Variants in ATP11C observed in about 807,000 individuals in gnomAD.
The protein encoded by ATP11C is phospholipid-transporting ATPase IG.
Under a neutral mutation model 97.4 loss-of-function variants are expected in ATP11C, and 36 were observed. That is an observed-to-expected ratio of 0.37 (90% CI 0.28 to 0.49). The LOEUF (loss-of-function observed/expected upper bound fraction) is 0.49, where lower values mean the gene tolerates loss of function less well. ATP11C is among the 20% of genes least tolerant of loss of function. The pLI is 0.98. For synonymous variants in ATP11C, 275 were observed against 290.9 expected, an observed-to-expected ratio of 0.95 and a Z score of 0.56; for missense variants, 730 against 824.6, an observed-to-expected ratio of 0.89 and a Z score of 1.40.
chrX:139,781,628 A>T (rs1404048317), intron 18 of ATP11C, among the ~76,000 whole-genome samples: 1 of 111,986 alleles, frequency 8.9e-6, no homozygotes, highest in Non-Finnish European at 1.9e-5. Context: ...GAGGTGTGAG[A>T]ATCACTTGAA....
At chrX:139,911,762 T>G (rs1213578711) in intron 1 of ATP11C, among the ~76,000 whole-genome samples, 2 of 110,911 alleles carry the variant, frequency 1.8e-5, no homozygotes, top group African/African-American at 6.6e-5. Flanking sequence ...AAATAAAAAA[T>G]CCTGTGAACA....
intron 27 of ATP11C, among the ~76,000 whole-genome samples, chrX:139,740,203 GCCATTCAC>G (rs2081527426): frequency 9.0e-6 from 1 of 111,089 alleles, no homozygotes; most frequent in African/African-American, 3.3e-5. Flanking sequence ...GTCAGGGGAA[GCCATTCAC>G]TAAAAAAAAC....
intron 5 of ATP11C, among the ~76,000 whole-genome samples, chrX:139,813,947 T>C (rs1018072900): frequency 9.0e-6 from 1 of 111,186 alleles, no homozygotes; most frequent in African/African-American, 3.3e-5. Flanking sequence ...CTTTGGGTGA[T>C]AGTGTGCCAA....
intron 1 of ATP11C, among the ~76,000 whole-genome samples, chrX:139,874,961 C>A (rs139031497): frequency 0.014 from 1,555 of 110,906 alleles, 14 homozygotes; most frequent in Middle Eastern, 0.023. Context: ...ATATTCTTCC[C>A]TCACCTACTA....
chrX:139,857,150 AC>A (rs1214428699), intron 1 of ATP11C, among the ~76,000 whole-genome samples: 1 of 111,737 alleles, frequency 8.9e-6, no homozygotes, highest in African/African-American at 3.3e-5. Context: ...GCTGTGTCAT[AC>A]CATGCACCCG....
chrX:139,897,458 C>A (rs1253866364), intron 1 of ATP11C, among the ~76,000 whole-genome samples: 1 of 109,471 alleles, frequency 9.1e-6, no homozygotes, highest in Non-Finnish European at 1.9e-5. Context: ...CCGAGGCGGG[C>A]GGACAGCTTG....
chrX:139,846,930 C>CA (rs200723546), intron 1 of ATP11C, among the ~76,000 whole-genome samples: 193 of 72,864 alleles, frequency 2.6e-3, no homozygotes, highest in South Asian at 9.7e-3. Context: ...AATGCCTGTA[C>CA]AAAAAAAAAA....
intron 1 of ATP11C, among the ~76,000 whole-genome samples, chrX:139,864,312 C>T (rs1268941525): frequency 8.9e-6 from 1 of 111,885 alleles, no homozygotes; most frequent in East Asian, 2.8e-4. Context: ...CCACAAACCT[C>T]TCAACTTCAA....
intron 18 of ATP11C, among the ~76,000 whole-genome samples, chrX:139,778,999 G>C (rs964610060): frequency 2.7e-5 from 3 of 111,577 alleles, no homozygotes; most frequent in African/African-American, 6.5e-5. Context: ...GACAAAGCGG[G>C]AATTACATAA....
chrX:139,885,931 T>C (rs2084634076), intron 1 of ATP11C, among the ~76,000 whole-genome samples: 1 of 110,926 alleles, frequency 9.0e-6, no homozygotes, highest in South Asian at 3.8e-4. Context: ...TCATACTTAA[T>C]AATAAAACAC....
At chrX:139,864,676 G>A (rs2084254817) in intron 1 of ATP11C, among the ~76,000 whole-genome samples, 1 of 111,865 alleles carries the variant, frequency 8.9e-6, no homozygotes, top group African/African-American at 3.3e-5. Context: ...CATCACCCAC[G>A]CTCCCATTTT....
At position 139,874,078 on chromosome X, in the gene ATP11C, T is replaced by A. The variant is rs181325433; in HGVS notation, c.28-47255A>T. On this transcript the variant is annotated intron_variant, in intron 1 of 29. Coordinates refer to ENST00000682941, the MANE Select transcript of ATP11C (RefSeq NM_001353812.2). The stretch of plus-strand genomic sequence containing the variant: ...TTTTTTTTTAAACAGAGTCTCGCTC[T>A]GTCACCCAGGCTGGAGTGCAATGGC... Among the ~76,000 whole-genome samples, 330 of 107,434 alleles carry A rather than the reference T, an allele frequency of 3.1e-3. 2 individuals carry two copies. The highest frequency in any genetic ancestry group is 9.5e-3 in the African/African-American group (278 of 29,313). The allele number at this position is 107,434 out of a possible 115,157, so 93.3% of individuals were successfully genotyped here.
At chrX:139,742,070 G>A (rs1273499921) in intron 26 of ATP11C, among the ~76,000 whole-genome samples, 1 of 111,691 alleles carries the variant, frequency 9.0e-6, no homozygotes, top group Non-Finnish European at 1.9e-5. Flanking sequence ...AAAGAGGAGG[G>A]AGTGGAAGTC....
At chrX:139,882,574 A>G (rs138570606) in intron 1 of ATP11C, among the ~76,000 whole-genome samples, 1,199 of 111,317 alleles carry the variant, frequency 0.011, 3 homozygotes, top group Non-Finnish European at 0.018. Context: ...GCACTCCCCA[A>G]TAGCTTTTCT....
intron 1 of ATP11C, among the ~76,000 whole-genome samples, chrX:139,927,765 A>G (rs2085374978): frequency 1.8e-5 from 2 of 111,002 alleles, no homozygotes; most frequent in Non-Finnish European, 3.8e-5. Context: ...AGATTATACT[A>G]TGGTCAGTAT....
At chrX:139,752,814 T>C (rs2081850321) in intron 23 of ATP11C, among the ~76,000 whole-genome samples, 5 of 112,111 alleles carry the variant, frequency 4.5e-5, no homozygotes, top group African/African-American at 1.3e-4. Flanking sequence ...ATACTATTAA[T>C]TTTGAATACA....
intron 11 of ATP11C, among the ~76,000 whole-genome samples, chrX:139,796,779 G>A (rs995974754): frequency 1.8e-5 from 2 of 111,260 alleles, no homozygotes; most frequent in Non-Finnish European, 3.8e-5. Context: ...AAGTTCATAT[G>A]TAAGGCATTC....
chrX:139,782,337 A>AG (rs1462755693), intron 18 of ATP11C, among the ~76,000 whole-genome samples: 19 of 110,329 alleles, frequency 1.7e-4, no homozygotes, highest in African/African-American at 6.3e-4. Flanking sequence ...AAAAAAAAAA[A>AG]AATTAATTAA....
At chrX:139,806,523 A>AT (rs945313469) in intron 5 of ATP11C, among the ~76,000 whole-genome samples, 9 of 111,950 alleles carry the variant, frequency 8.0e-5, no homozygotes, top group African/African-American at 2.9e-4. Context: ...CTGACCAAGC[A>AT]TAGAAGGAAG....
Sources: gnomAD v4.1 joint callset for allele counts (sites outside exome capture counted in the v4.1 genomes callset) on GRCh38, gnomAD v4.1.1 for gene constraint, MANE v1.5 for transcripts, NCBI Gene and HGNC (gene_info 2026-07-23, HGNC 2026-07-21) for gene names.